Variants in RPA1 observed in about 807,000 individuals in gnomAD.
RPA1 encodes the protein replication protein A 70 kDa DNA-binding subunit.
In RPA1, 49 loss-of-function variants were observed where a neutral mutation model predicts 83.0. The ratio of observed to expected loss-of-function variants is 0.59; its 90% CI spans 0.47 to 0.75. The LOEUF is 0.75. Ranked by LOEUF, RPA1 falls within the 30% of genes least tolerant of loss-of-function variation. The pLI, the probability that RPA1 is intolerant of heterozygous loss-of-function variation, is 0.00. For missense variants in RPA1, 693 were observed against 776.1 expected, an observed-to-expected ratio of 0.89 and a Z score of 1.27; for synonymous variants, 279 against 281.8, an observed-to-expected ratio of 0.99 and a Z score of 0.10.
At chr17:1,862,698 C>T (rs1913025787) in intron 5 of RPA1, among the ~76,000 whole-genome samples, 1 of 126,360 alleles carries the variant, frequency 7.9e-6, no homozygotes, top group Non-Finnish European at 1.6e-5. Context: ...AGATTATTGG[C>T]GTGAGTCACT....
chr17:1,873,953 A>G (rs1160233857), intron 6 of RPA1, among the ~76,000 whole-genome samples: 2 of 141,522 alleles, frequency 1.4e-5, no homozygotes, highest in African/African-American at 5.3e-5. Context: ...AGTTTGCGCC[A>G]GTGCCCTCTA....
Position 1,883,960 on chromosome 17 carries a change from AACC to A in RPA1, c.1374+20_1374+22del, listed in dbSNP as rs1336110264. 6.2e-7 allele frequency: 1 copy of A among 1,613,252 alleles called. No individual in the cohort carries two copies. The stretch of plus-strand genomic sequence containing the variant: ...AGGCGACAAGGTACCCAGCATTCCT[AACC>A]ACCTTCACAAAGGGCTGTAAAGTGT... On this transcript the variant is annotated intron_variant, in intron 13 of 16. Transcript: ENST00000254719.
intron 13 of RPA1, among the ~76,000 whole-genome samples, chr17:1,886,646 G>A (rs968796702): frequency 6.6e-6 from 1 of 151,508 alleles, no homozygotes; most frequent in African/African-American, 2.4e-5. Flanking sequence ...TATGGTGACG[G>A]CTTATTTCCT....
At chr17:1,865,160 A>G (rs189070057) in intron 5 of RPA1, among the ~76,000 whole-genome samples, 1 of 152,332 alleles carries the variant, frequency 6.6e-6, no homozygotes, top group Non-Finnish European at 1.5e-5. Context: ...TCAGTTTTTA[A>G]TCATTAAATA....
chr17:1,847,339 C>T (rs553214278), intron 4 of RPA1, among the ~76,000 whole-genome samples: 2 of 152,206 alleles, frequency 1.3e-5, no homozygotes, highest in South Asian at 2.1e-4. Flanking sequence ...CTTTTCTGTC[C>T]TCCAGGGCAT....
At chr17:1,830,293 C>G (rs913333295) in intron 1 of RPA1, among the ~76,000 whole-genome samples, 167 bp downstream of exon 1, 3 of 152,166 alleles carry the variant, frequency 2.0e-5, no homozygotes, top group African/African-American at 7.2e-5. Context: ...TGTCATCGCC[C>G]CCTCCTCAAA....
intron 5 of RPA1, among the ~76,000 whole-genome samples, chr17:1,862,437 T>C (rs1913016208): frequency 6.6e-6 from 1 of 151,800 alleles, no homozygotes; most frequent in African/African-American, 2.4e-5. Context: ...TTTATTTATT[T>C]GAGATGGAGT....
intron 1 of RPA1, among the ~76,000 whole-genome samples, chr17:1,842,432 C>G (rs978573091): frequency 2.6e-5 from 4 of 152,078 alleles, no homozygotes; most frequent in Admixed American, 2.6e-4. Flanking sequence ...AGGGATTTAT[C>G]CACTTTATCT....
intron 5 of RPA1, among the ~76,000 whole-genome samples, chr17:1,867,401 G>A (rs985992432): frequency 6.6e-6 from 1 of 151,974 alleles, no homozygotes; most frequent in African/African-American, 2.4e-5. Context: ...TGTTTTGGGG[G>A]CAAAAGTGTT....
chr17:1,893,716 T>C (rs1396760804), intron 15 of RPA1, among the ~76,000 whole-genome samples: 1 of 151,546 alleles, frequency 6.6e-6, no homozygotes, highest in African/African-American at 2.4e-5. Context: ...ATTTGAGGAG[T>C]GAGAGAGGGA....
At chr17:1,888,132 G>T (rs1914062690) in intron 13 of RPA1, among the ~76,000 whole-genome samples, 1 of 152,180 alleles carries the variant, frequency 6.6e-6, no homozygotes, top group African/African-American at 2.4e-5. Context: ...GGCTGCTAAG[G>T]CCTGAAATAT....
intron 15 of RPA1, among the ~76,000 whole-genome samples, chr17:1,893,123 C>G (rs1383252942): frequency 6.6e-6 from 1 of 152,150 alleles, no homozygotes; most frequent in Non-Finnish European, 1.5e-5. Flanking sequence ...TGAGAGCTCT[C>G]AAAATAGTCT....
intron 5 of RPA1, among the ~76,000 whole-genome samples, chr17:1,862,792 G>C (rs762934612): frequency 8.0e-6 from 1 of 124,940 alleles, no homozygotes; most frequent in South Asian, 2.6e-4. Context: ...AACGATCTCC[G>C]CTCACTGCAA....
chr17:1,856,260 A>AC (rs1351322599), intron 5 of RPA1, among the ~76,000 whole-genome samples: 13 of 151,568 alleles, frequency 8.6e-5, no homozygotes, highest in Non-Finnish European at 1.9e-4. Context: ...CCGAGATGGC[A>AC]CCAGTGCACT....
chr17:1,850,986 TAGAC>T (rs926282076), intron 4 of RPA1, among the ~76,000 whole-genome samples: 2 of 152,306 alleles, frequency 1.3e-5, no homozygotes, highest in Admixed American at 6.5e-5. Context: ...TCTACAAACA[TAGAC>T]AGAATACACA....
rs1317122216 is a variant in RPA1, at chr17:1,879,007, T to G, written c.705T>G (p.Ala235=). 1 of 1,614,212 alleles carries G rather than the reference T, an allele frequency of 6.2e-7. No homozygotes were observed. The highest frequency in any genetic ancestry group is 8.5e-7 in the Non-Finnish European group (1 of 1,180,026). ...TGCTTCTGCAGGGTGAAATCCGAGCTACAGCTTTCAATGAGCAAGTGGACA... is the reference window on the plus strand; with the variant it reads ...TGCTTCTGCAGGGTGAAATCCGAGCGACAGCTTTCAATGAGCAAGTGGACA... The part of the protein sequence containing the change: ...ELVDESGEIR[A]TAFNEQVDKF... The change falls in exon 9 of 17, where the codon GCT becomes GCG. Residue 235 remains alanine (A), a synonymous_variant. Coordinates refer to ENST00000254719, the MANE Select transcript of RPA1 (RefSeq NM_002945.5).
intron 8 of RPA1, 72 bp downstream of exon 8, chr17:1,877,386 G>A: frequency 7.5e-7 from 1 of 1,338,942 alleles, no homozygotes; most frequent in Non-Finnish European, 1.1e-6. Context: ...CTCTGCGGAG[G>A]GCAGTGGGCT....
chr17:1,894,435 G>A (rs1274193370), intron 15 of RPA1, among the ~76,000 whole-genome samples: 1 of 152,162 alleles, frequency 6.6e-6, no homozygotes, highest in Non-Finnish European at 1.5e-5. Flanking sequence ...CCAAAGCGCT[G>A]GGATGACAGG....
chr17:1,839,350 G>A (rs1911950645), intron 1 of RPA1, among the ~76,000 whole-genome samples: 1 of 151,194 alleles, frequency 6.6e-6, no homozygotes, highest in Admixed American at 6.6e-5. Context: ...TTTTTGAGAT[G>A]GAGTCTAGCT....
Sources: gnomAD v4.1 joint callset for allele counts (sites outside exome capture counted in the v4.1 genomes callset) on GRCh38, gnomAD v4.1.1 for gene constraint, MANE v1.5 for transcripts, NCBI Gene and HGNC (gene_info 2026-07-23, HGNC 2026-07-21) for gene names.